The following ATXN7L1 variants were observed in gnomAD, a reference collection of about 807,000 sequenced individuals.
ATXN7L1 encodes the protein ataxin-7-like protein 1.
ATXN7L1 carries 15 observed loss-of-function variants against 70.8 expected under a neutral mutation model. That is an observed-to-expected ratio of 0.21 (90% CI 0.14 to 0.33). ATXN7L1 has a LOEUF of 0.33. Among genes scored for constraint, ATXN7L1 ranks in the 10% least tolerant of loss-of-function variants. The pLI, the probability that ATXN7L1 is intolerant of heterozygous loss-of-function variation, is 1.00. For missense variants in ATXN7L1, 975 were observed against 1,097.1 expected (o/e 0.89, Z 1.57); for synonymous variants, 440 against 445.1 (o/e 0.99, Z 0.14).
chr7:105,607,427 A>G lies in ATXN7L1; in HGVS notation c.*425T>C. 1 of 182,104 alleles carries G rather than the reference A, an allele frequency of 5.5e-6. No homozygotes were observed. Among genetic ancestry groups the G allele is most frequent in the Non-Finnish European group, 1.2e-5 (1 of 86,284 alleles). 11.3% of individuals were successfully genotyped at this position (182,104 alleles called of 1,614,324 possible). ...CGTAGGGATGGAAGGAATCGGGTGG[A>G]GATGACAGGAAGAAAAAGGGCTCTG... On this transcript the variant is annotated 3_prime_UTR_variant, in exon 12 of 12. Coordinates refer to ENST00000419735, the MANE Select transcript of ATXN7L1 (RefSeq NM_020725.2).
At chr7:105,797,662 C>T (rs1251079895) in intron 2 of ATXN7L1, among the ~76,000 whole-genome samples, 1 of 152,244 alleles carries the variant, frequency 6.6e-6, no homozygotes, top group Non-Finnish European at 1.5e-5. Context: ...AAGAGGCTGG[C>T]ACACAGAAGG....
At chr7:105,644,077 G>A (rs1046892968) in intron 4 of ATXN7L1, among the ~76,000 whole-genome samples, 1 of 152,166 alleles carries the variant, frequency 6.6e-6, no homozygotes, top group Non-Finnish European at 1.5e-5. Context: ...TGAGCTGAGA[G>A]TGAAGCCTAC....
intron 3 of ATXN7L1, among the ~76,000 whole-genome samples, chr7:105,732,881 G>T (rs369788504): frequency 5.9e-5 from 9 of 152,164 alleles, no homozygotes; most frequent in African/African-American, 2.2e-4. Context: ...TGCACCTGCT[G>T]TTTCTTCTGA....
chr7:105,634,653 G>A (rs142987832), intron 7 of ATXN7L1, among the ~76,000 whole-genome samples: 1 of 152,166 alleles, frequency 6.6e-6, no homozygotes, highest in African/African-American at 2.4e-5. Flanking sequence ...ACTGCGCCTG[G>A]CCTCAGATGA....
intron 3 of ATXN7L1, among the ~76,000 whole-genome samples, chr7:105,776,486 A>G (rs1802737835): frequency 8.8e-6 from 1 of 113,080 alleles, no homozygotes; most frequent in African/African-American, 4.3e-5. Context: ...AAACAAACAA[A>G]CAAACAACCC....
intron 2 of ATXN7L1, among the ~76,000 whole-genome samples, chr7:105,860,845 T>C (rs1166321850): frequency 6.6e-6 from 1 of 152,194 alleles, no homozygotes; most frequent in East Asian, 1.9e-4. Context: ...AAGGGGATGA[T>C]ATGATCGCTT....
chr7:105,715,888 C>T (rs1459904418), intron 3 of ATXN7L1, among the ~76,000 whole-genome samples: 11 of 152,162 alleles, frequency 7.2e-5, no homozygotes, highest in African/African-American at 2.7e-4. Context: ...CATATGGATA[C>T]CTTGGAGGAA....
intron 3 of ATXN7L1, among the ~76,000 whole-genome samples, chr7:105,713,294 T>C (rs1794149255): frequency 6.6e-6 from 1 of 152,192 alleles, no homozygotes; most frequent in Admixed American, 6.5e-5. Flanking sequence ...CTGGTGATGA[T>C]GATGCAGCTG....
intron 2 of ATXN7L1, among the ~76,000 whole-genome samples, chr7:105,811,613 C>A (rs1210350703): frequency 6.6e-6 from 1 of 152,048 alleles, no homozygotes; most frequent in African/African-American, 2.4e-5. Flanking sequence ...GAGTCTGGGA[C>A]ATGTCTGCAA....
Position 105,605,041 on chromosome 7 carries a change from G to GGTTTT in ATXN7L1, c.*2810_*2811insAAAAC, listed in dbSNP as rs1792693724. 1 of 58,774 alleles carries GGTTTT rather than the reference G, an allele frequency of 1.7e-5. No homozygotes were observed. Among genetic ancestry groups the GGTTTT allele is most frequent in the Non-Finnish European group, 3.8e-5 (1 of 26,632 alleles). The allele number at this position is 58,774 out of a possible 1,614,324, so 3.6% of individuals were successfully genotyped here. On this transcript the variant is annotated 3_prime_UTR_variant, in exon 12 of 12. Coordinates refer to ENST00000419735, the MANE Select transcript of ATXN7L1 (RefSeq NM_020725.2). ...AGAAGGCATACAAGTTATCCAAGTC[G>GGTTTT]CTTTTTTTTTTTTTTTTTTTTTTTT...
chr7:105,657,493 C>A (rs986642355), intron 4 of ATXN7L1, among the ~76,000 whole-genome samples: 1 of 151,448 alleles, frequency 6.6e-6, no homozygotes, highest in African/African-American at 2.4e-5. Flanking sequence ...TGGGTGGATC[C>A]CTTGAGCTCA....
chr7:105,754,460 C>A (rs973809309), intron 3 of ATXN7L1, among the ~76,000 whole-genome samples: 1 of 151,308 alleles, frequency 6.6e-6, no homozygotes, highest in African/African-American at 2.4e-5. Flanking sequence ...TAAAGTGGTG[C>A]GATCATAGCT....
intron 3 of ATXN7L1, among the ~76,000 whole-genome samples, chr7:105,694,049 C>A (rs1315472318): frequency 1.5e-5 from 2 of 131,268 alleles, no homozygotes; most frequent in Non-Finnish European, 3.5e-5. Flanking sequence ...GAGAAGTGAG[C>A]CTTTTTTTTT....
intron 2 of ATXN7L1, among the ~76,000 whole-genome samples, chr7:105,796,074 G>A (rs1194459975): frequency 6.6e-6 from 1 of 152,188 alleles, no homozygotes; most frequent in Non-Finnish European, 1.5e-5. Context: ...TACCTAAAAA[G>A]TAAGTCTTAG....
At chr7:105,687,204 G>C (rs1790037332) in intron 3 of ATXN7L1, among the ~76,000 whole-genome samples, 1 of 152,154 alleles carries the variant, frequency 6.6e-6, no homozygotes, top group African/African-American at 2.4e-5. Context: ...TGCATGAGGG[G>C]AATAAACTCA....
chr7:105,675,087 T>C (rs1266329260), intron 3 of ATXN7L1, among the ~76,000 whole-genome samples: 2 of 150,920 alleles, frequency 1.3e-5, no homozygotes, highest in Non-Finnish European at 2.9e-5. Context: ...GTTTGGAAAA[T>C]AGGCCTCCAG....
intron 3 of ATXN7L1, among the ~76,000 whole-genome samples, chr7:105,742,746 T>C (rs1476199044): frequency 1.3e-5 from 2 of 152,198 alleles, no homozygotes; most frequent in African/African-American, 4.8e-5. Context: ...TGCAGACTGT[T>C]TATTTTCCAT....
intron 3 of ATXN7L1, among the ~76,000 whole-genome samples, chr7:105,774,662 C>G (rs1802485509): frequency 6.6e-6 from 1 of 152,032 alleles, no homozygotes; most frequent in Non-Finnish European, 1.5e-5. Flanking sequence ...CCGCAGCCTT[C>G]TCATTAATAA....
At chr7:105,810,401 A>C (rs1014823694) in intron 2 of ATXN7L1, among the ~76,000 whole-genome samples, 1 of 152,236 alleles carries the variant, frequency 6.6e-6, no homozygotes, top group African/African-American at 2.4e-5. Flanking sequence ...TGAGACAAAC[A>C]ACAAACAATA....
Sources: allele counts gnomAD v4.1 joint callset (sites outside exome capture counted in the v4.1 genomes callset), GRCh38; gene constraint gnomAD v4.1.1; transcripts MANE v1.5; gene names NCBI Gene and HGNC (gene_info 2026-07-23, HGNC 2026-07-21).